The following CHD9 variants were observed in gnomAD, a reference collection of about 807,000 sequenced individuals.
CHD9 encodes the protein ATP-dependent chromatin remodeler CHD9.
In CHD9, 77 loss-of-function variants were observed where a neutral mutation model predicts 316.1. The observed-to-expected ratio is 0.24, with a 90% CI of 0.20 to 0.29. The LOEUF (loss-of-function observed/expected upper bound fraction) is 0.29, where lower values mean the gene tolerates loss of function less well. Among genes scored for constraint, CHD9 ranks in the 10% least tolerant of loss-of-function variants. The pLI is 1.00. For synonymous variants in CHD9, 1,129 were observed against 1,158.3 expected, an observed-to-expected ratio of 0.97 and a Z score of 0.51; for missense variants, 2,763 against 3,438.1, an observed-to-expected ratio of 0.80 and a Z score of 4.91.
intron 1 of CHD9, among the ~76,000 whole-genome samples, chr16:53,066,886 A>T (rs2033576048): frequency 6.6e-6 from 1 of 152,196 alleles, no homozygotes; most frequent in South Asian, 2.1e-4. Flanking sequence ...TTTACAAAAA[A>T]AAATTGAGAC....
chr16:53,059,445 TAAC>T (rs1036179836), intron 1 of CHD9, among the ~76,000 whole-genome samples: 103 of 151,988 alleles, frequency 6.8e-4, no homozygotes, highest in African/African-American at 2.4e-3. Flanking sequence ...CCTCTATCTT[TAAC>T]AACAAGAAAA....
rs754075590 is a variant in CHD9 at position 53,291,772 on chromosome 16, AT to A, written c.5290+7del. Reference sequence around the variant, plus strand: ...ATCTTGTTATAGCAGATGGAGGTAAATTGCACGTACTTCTGTACTTAGTATT... The same window carrying A: ...ATCTTGTTATAGCAGATGGAGGTAAATGCACGTACTTCTGTACTTAGTATT... On this transcript the variant is annotated splice_donor_region_variant and intron_variant, in intron 28 of 38. Coordinates refer to ENST00000447540, the MANE Select transcript of CHD9 (RefSeq NM_001308319.2). The A allele has an allele frequency of 6.5e-7, 1 of 1,536,588 alleles. No homozygotes were observed. Among genetic ancestry groups the A allele is most frequent in the South Asian group, 1.2e-5 (1 of 80,752 alleles).
chr16:53,096,722 G>T (rs779857842), intron 1 of CHD9, among the ~76,000 whole-genome samples: 1 of 152,124 alleles, frequency 6.6e-6, no homozygotes, highest in African/African-American at 2.4e-5. Flanking sequence ...CTTGAAACTG[G>T]ATAATTGATA....
rs761018128 is a variant in CHD9, at chr16:53,324,135, C to G, written c.7934C>G (p.Ala2645Gly). ...GGAATTGCAAAGGCCACAGCAGCAG[C>G]AGCTGCTGCATCTGCCACCAGTGTT... Reference protein sequence around the residue: ...KSGIAKATAAAAAASATSVSG... With the variant: ...KSGIAKATAAGAAASATSVSG... Residue 2645 changes from alanine (A) to glycine (G), a missense_variant, in exon 39 of 39, where the codon GCA becomes GGA. By Grantham distance (60) the Ala-to-Gly change is moderately conservative. Around this residue, in one of 15 missense-constraint regions of CHD9, gnomAD observed 298 missense variants for 380.2 expected, o/e 0.78. Coordinates refer to ENST00000447540, the MANE Select transcript of CHD9 (RefSeq NM_001308319.2). The G allele has an allele frequency of 6.2e-7, 1 of 1,613,986 alleles. No homozygotes were observed. The highest frequency in any genetic ancestry group is 8.5e-7 in the Non-Finnish European group (1 of 1,179,872).
chr16:53,289,951 A>G (rs2054191479), intron 27 of CHD9, among the ~76,000 whole-genome samples: 1 of 152,208 alleles, frequency 6.6e-6, no homozygotes. Flanking sequence ...GGTTACTGGG[A>G]AAAGCTGCTG....
chr16:53,263,224 G>A (rs2051315075), intron 20 of CHD9, 127 bp downstream of exon 20: 4 of 613,488 alleles, frequency 6.5e-6, no homozygotes, highest in African/African-American at 5.6e-5. Flanking sequence ...ATTGAAGTAG[G>A]GTAGCAGAAT....
chr16:53,106,221 A>G (rs769552085), intron 1 of CHD9, among the ~76,000 whole-genome samples: 18 of 152,236 alleles, frequency 1.2e-4, no homozygotes, highest in Non-Finnish European at 2.4e-4. Context: ...AGTTAGTTCA[A>G]TACAAATGGC....
At chr16:53,275,064 C>G (rs534975166) in intron 24 of CHD9, among the ~76,000 whole-genome samples, 18 of 152,140 alleles carry the variant, frequency 1.2e-4, no homozygotes, top group Middle Eastern at 3.4e-3. Flanking sequence ...CAGAATCTCA[C>G]TCTTTCACCC....
chr16:53,309,830 T>A (rs1858935879), intron 34 of CHD9, among the ~76,000 whole-genome samples: 1 of 152,054 alleles, frequency 6.6e-6, no homozygotes, highest in South Asian at 2.1e-4. Context: ...ATGTCAAGAA[T>A]TGAGAATGAA....
intron 2 of CHD9, among the ~76,000 whole-genome samples, chr16:53,189,773 G>C (rs886980651): frequency 1.3e-5 from 2 of 151,990 alleles, no homozygotes; most frequent in African/African-American, 4.8e-5. Context: ...TGCATTTGTA[G>C]ACTGTGCAAT....
At chr16:53,280,888 C>T (rs1011997220) in intron 24 of CHD9, among the ~76,000 whole-genome samples, 4 of 152,076 alleles carry the variant, frequency 2.6e-5, no homozygotes, top group African/African-American at 9.7e-5. Context: ...ACAGTGTGAT[C>T]AACTCTCCAA....
intron 34 of CHD9, 132 bp from the exon 35 acceptor site, chr16:53,314,245 T>A (rs62049810): frequency 0.27 from 148,207 of 556,846 alleles, 20,681 homozygotes; most frequent in Middle Eastern, 0.32. Context: ...ATGATATTTT[T>A]AGTCCAAAAG....
At chr16:53,222,010 A>G (rs2152904850) in intron 3 of CHD9, among the ~76,000 whole-genome samples, 1 of 152,058 alleles carries the variant, frequency 6.6e-6, no homozygotes, top group African/African-American at 2.4e-5. Context: ...AAAAACAAAT[A>G]AGACTTGATT....
chr16:53,217,700 T>G (rs909811562), intron 3 of CHD9, among the ~76,000 whole-genome samples: 1 of 152,190 alleles, frequency 6.6e-6, no homozygotes, highest in Admixed American at 6.5e-5. Flanking sequence ...GTTTACAGTT[T>G]TCAAGGTTCA....
intron 1 of CHD9, among the ~76,000 whole-genome samples, chr16:53,133,217 A>G (rs865808696): frequency 6.6e-6 from 1 of 152,182 alleles, no homozygotes; most frequent in Non-Finnish European, 1.5e-5. Flanking sequence ...AAACAGCAAC[A>G]ACAAAAAACC....
rs35618799 is a variant in CHD9, at chr16:53,296,434, ATTTT to A, written c.5511-501_5511-498del. ...GGCTGTCCTTAACTATTAAAAGTAA[ATTTT>A]TTTTTTTTTTTTTTTTTTTTGAGAC... is the stretch of plus-strand genomic sequence containing the variant. On this transcript the variant is annotated intron_variant, in intron 29 of 38. Coordinates refer to ENST00000447540, the MANE Select transcript of CHD9 (RefSeq NM_001308319.2). Among the ~76,000 whole-genome samples the A allele has an allele frequency of 1.9e-4, 19 of 101,756 alleles. 1 individual carries two copies. In the South Asian group the frequency reaches 5.8e-3, roughly 31 times the overall value. 66.8% of individuals were successfully genotyped at this position (101,756 alleles called of 152,430 possible).
chr16:53,314,775 G>C, intron 35 of CHD9, 48 bp from the exon 36 acceptor site: 1 of 1,371,366 alleles, frequency 7.3e-7, no homozygotes, highest in Admixed American at 2.1e-5. Context: ...ACCAATATTA[G>C]AATGATAAAG....
chr16:53,231,554 TC>T (rs1288494691), intron 9 of CHD9, 49 bp downstream of exon 9: 3 of 1,396,858 alleles, frequency 2.1e-6, no homozygotes, highest in Non-Finnish European at 3.0e-6. Context: ...TCTGAAACTT[TC>T]CAAGTATTAA....
At chr16:53,296,479 C>G (rs983428322) in intron 29 of CHD9, among the ~76,000 whole-genome samples, 4 of 119,098 alleles carry the variant, frequency 3.4e-5, no homozygotes, top group Non-Finnish European at 6.4e-5. Context: ...CTCGCTCTGT[C>G]GCCCAGGCTA....
Sources: allele counts gnomAD v4.1 joint callset (sites outside exome capture counted in the v4.1 genomes callset), GRCh38; gene constraint gnomAD v4.1.1; regional missense constraint gnomAD v4.1.1; transcripts MANE v1.5; gene names NCBI Gene and HGNC (gene_info 2026-07-23, HGNC 2026-07-21).